The following TIAM1 variants were observed in gnomAD, a reference collection of about 807,000 sequenced individuals.
TIAM1 encodes rho guanine nucleotide exchange factor TIAM1.
A neutral mutation model predicts 163.5 loss-of-function variants in TIAM1; 65 were observed. That is an observed-to-expected ratio of 0.40 (90% CI 0.33 to 0.49). TIAM1 has a LOEUF of 0.49. TIAM1 is among the 20% of genes least tolerant of loss of function. The pLI, the probability that TIAM1 is intolerant of heterozygous loss-of-function variation, is 0.77. For missense variants in TIAM1, 1,789 were observed against 2,044.7 expected (o/e 0.87, Z 2.41); for synonymous variants, 833 against 810.1 (o/e 1.03, Z -0.48).
At position 31,161,648 on chromosome 21, in the gene TIAM1, AC is replaced by A. The variant is rs2083927965; in HGVS notation, c.2991+3313del. Among the ~76,000 whole-genome samples, 3 of 152,228 alleles carry A rather than the reference AC, an allele frequency of 2.0e-5. No individual in the cohort carries two copies. In the South Asian group the frequency reaches 6.2e-4, roughly 31 times the overall value. On this transcript the variant is annotated intron_variant, in intron 16 of 27. Transcript: ENST00000541036. Reference sequence around the variant, plus strand: ...TGTAAAACAGTCCATTTAGAAAGAAACCAAGAATATTACACAAAATCAACAG... The same window carrying A: ...TGTAAAACAGTCCATTTAGAAAGAAACAAGAATATTACACAAAATCAACAG...
intron 1 of TIAM1, among the ~76,000 whole-genome samples, chr21:31,546,229 A>C (rs2048484754): frequency 6.9e-6 from 1 of 145,914 alleles, no homozygotes; most frequent in Non-Finnish European, 1.5e-5. Flanking sequence ...CAGAAGAATT[A>C]CCCAGGTAGA....
chr21:31,355,587 T>C (rs992035892), intron 2 of TIAM1, among the ~76,000 whole-genome samples: 2 of 151,592 alleles, frequency 1.3e-5, no homozygotes, highest in Non-Finnish European at 2.9e-5. Flanking sequence ...AGTCTCGCCC[T>C]GTTGCTCAGG....
At chr21:31,164,506 T>C (rs750862904) in intron 16 of TIAM1, among the ~76,000 whole-genome samples, 2 of 152,208 alleles carry the variant, frequency 1.3e-5, no homozygotes, top group Non-Finnish European at 2.9e-5. Flanking sequence ...TTTTAAAATA[T>C]GGTTTCTTTC....
At chr21:31,168,852 T>C (rs752387171) in intron 15 of TIAM1, among the ~76,000 whole-genome samples, 12 of 151,864 alleles carry the variant, frequency 7.9e-5, no homozygotes, top group Non-Finnish European at 1.2e-4. Flanking sequence ...GAACCCATAA[T>C]CCCATATTAT....
intron 2 of TIAM1, among the ~76,000 whole-genome samples, chr21:31,442,717 G>C (rs2044480619): frequency 6.6e-6 from 1 of 152,236 alleles, no homozygotes; most frequent in South Asian, 2.1e-4. Context: ...AAGCCAAAGA[G>C]AGGATGGGGC....
chr21:31,537,922 A>C (rs2048191874), intron 1 of TIAM1, among the ~76,000 whole-genome samples: 1 of 152,236 alleles, frequency 6.6e-6, no homozygotes, highest in South Asian at 2.1e-4. Context: ...AAACTTAAAA[A>C]CAATGTTTTG....
rs549854293 is a variant in TIAM1, at chr21:31,291,734, G to A, written c.-188-14826C>T. Among the ~76,000 whole-genome samples the A allele has an allele frequency of 2.3e-4, 35 of 152,326 alleles. 1 individual carries two copies. In the South Asian group the frequency reaches 6.6e-3, roughly 29 times the overall value. ...GAAAGAGTTTCGCCATGTTGGCCAGGCTGGTCTTGAACTCCTGACCTCAGG... is the reference window on the plus strand; with the variant it reads ...GAAAGAGTTTCGCCATGTTGGCCAGACTGGTCTTGAACTCCTGACCTCAGG... On this transcript the variant is annotated intron_variant, in intron 2 of 27. Transcript: ENST00000541036.
At chr21:31,147,129 G>A (rs1019854416) in intron 19 of TIAM1, 126 bp from the exon 20 acceptor site, 2 of 741,162 alleles carry the variant, frequency 2.7e-6, no homozygotes, top group East Asian at 2.7e-5. Flanking sequence ...GTGCCTGTCA[G>A]AGCCTTTCTT....
At chr21:31,197,667 C>T (rs190966337) in intron 12 of TIAM1, among the ~76,000 whole-genome samples, 33 of 152,212 alleles carry the variant, frequency 2.2e-4, no homozygotes, top group Middle Eastern at 3.4e-3. Flanking sequence ...CCGCGCCCAG[C>T]CGGATATTTC....
intron 1 of TIAM1, among the ~76,000 whole-genome samples, chr21:31,518,611 T>G (rs2047461850): frequency 6.6e-6 from 1 of 152,140 alleles, no homozygotes; most frequent in Non-Finnish European, 1.5e-5. Flanking sequence ...TTTAAGCTAC[T>G]GAATTTGTGG....
chr21:31,275,688 A>G (rs546617695), intron 3 of TIAM1, among the ~76,000 whole-genome samples: 1 of 152,316 alleles, frequency 6.6e-6, no homozygotes, highest in Admixed American at 6.5e-5. Context: ...GTTTTCGTCT[A>G]GCTCTTCTGA....
At position 31,124,381 on chromosome 21, in the gene TIAM1, A is replaced by G. The variant is rs1324425918; in HGVS notation, c.4306+141T>C. 5 of 1,249,362 alleles carry G rather than the reference A, an allele frequency of 4.0e-6. No individual in the cohort carries two copies. The African/African-American group carries it at 6.2e-5, about 15-fold the overall frequency. 77.4% of individuals were successfully genotyped at this position (1,249,362 alleles called of 1,614,324 possible). A position where few individuals can be genotyped will look rare whatever the true frequency, so the allele number is the denominator to read the frequency against. On this transcript the variant is annotated intron_variant, in intron 27 of 27. Coordinates refer to ENST00000541036, the MANE Select transcript of TIAM1 (RefSeq NM_001353694.2). ...GAAGGAGGCAAGGGCAAGGAACCTC[A>G]CACCAGGGAAAAACCGTCCTCCTAC...
chr21:31,380,243 G>GT (rs1378193894), intron 2 of TIAM1, among the ~76,000 whole-genome samples: 1 of 152,164 alleles, frequency 6.6e-6, no homozygotes, highest in Non-Finnish European at 1.5e-5. Context: ...GAGCGAAATA[G>GT]TGAGACTTTG....
intron 2 of TIAM1, among the ~76,000 whole-genome samples, chr21:31,440,460 T>C (rs2044377109): frequency 6.6e-6 from 1 of 152,124 alleles, no homozygotes; most frequent in Admixed American, 6.5e-5. Context: ...AAACCTAAAT[T>C]CTTGGCCTTT....
At chr21:31,525,161 A>G (rs1385078739) in intron 1 of TIAM1, among the ~76,000 whole-genome samples, 2 of 152,006 alleles carry the variant, frequency 1.3e-5, no homozygotes, top group African/African-American at 4.8e-5. Flanking sequence ...CCTGAGGTCA[A>G]GAGTTCAAGA....
intron 26 of TIAM1, 23 bp downstream of exon 26, chr21:31,127,042 C>T (rs376429815): frequency 8.7e-6 from 14 of 1,612,072 alleles, no homozygotes; most frequent in East Asian, 4.5e-5. Context: ...AACACGGCCT[C>T]GACTTTACAG....
chr21:31,492,466 A>C (rs2147424234), intron 1 of TIAM1, among the ~76,000 whole-genome samples: 1 of 152,294 alleles, frequency 6.6e-6, no homozygotes, highest in African/African-American at 2.4e-5. Context: ...GAATTGTGTA[A>C]ATTTACACAA....
chr21:31,135,503 C>T (rs2082584951), intron 23 of TIAM1, among the ~76,000 whole-genome samples: 1 of 152,180 alleles, frequency 6.6e-6, no homozygotes. Flanking sequence ...GGCCTTAAGA[C>T]CAAACAGCAA....
chr21:31,234,163 A>G (rs1390906339), intron 6 of TIAM1, among the ~76,000 whole-genome samples: 1 of 152,156 alleles, frequency 6.6e-6, no homozygotes, highest in African/African-American at 2.4e-5. Flanking sequence ...GAGAAAATGT[A>G]CTAGGAGAAA....
Sources: allele counts gnomAD v4.1 joint callset (sites outside exome capture counted in the v4.1 genomes callset), GRCh38; gene constraint gnomAD v4.1.1; transcripts MANE v1.5; gene names NCBI Gene and HGNC (gene_info 2026-07-23, HGNC 2026-07-21).